The following CACNA1C variants were observed in gnomAD, a reference collection of about 807,000 sequenced individuals.
The protein encoded by CACNA1C is voltage-dependent L-type calcium channel subunit alpha-1C.
Under a neutral mutation model 229.0 loss-of-function variants are expected in CACNA1C, and 30 were observed. The ratio of observed to expected loss-of-function variants is 0.13; its 90% CI spans 0.10 to 0.18. CACNA1C has a LOEUF of 0.18. CACNA1C is among the 10% of genes least tolerant of loss of function. The pLI is 1.00. For missense variants in CACNA1C, 1,658 were observed against 2,845.0 expected (o/e 0.58, Z 9.49); for synonymous variants, 1,114 against 1,132.5 (o/e 0.98, Z 0.33).
chr12:2,611,323 GGGATGAGCT>G (rs1219704749), intron 28 of CACNA1C, among the ~76,000 whole-genome samples: 2 of 146,402 alleles, frequency 1.4e-5, no homozygotes, highest in Non-Finnish European at 3.0e-5. Flanking sequence ...GGAGAACGGA[GGGATGAGCT>G]GGATGTGTTC....
chr12:2,368,803 G>C (rs1229753209), intron 3 of CACNA1C, among the ~76,000 whole-genome samples: 1 of 152,148 alleles, frequency 6.6e-6, no homozygotes, highest in Non-Finnish European at 1.5e-5. Context: ...GTGGAAAGGA[G>C]AGTGCTTAGA....
intron 3 of CACNA1C, among the ~76,000 whole-genome samples, chr12:2,351,750 G>C (rs1001770103): frequency 2.0e-5 from 3 of 152,202 alleles, no homozygotes; most frequent in Non-Finnish European, 2.9e-5. Flanking sequence ...AGGGTCATGA[G>C]AGCGTGTTTC....
rs970916704 is a variant in CACNA1C at position 2,651,440 on chromosome 12, C to G, written c.3946-200C>G. Reference sequence around the variant, plus strand: ...GCCCAGCGGCCTGGGCACAGTCTAGCTCTGCAGAGACCATGGGGCTGGGCT... The same window carrying G: ...GCCCAGCGGCCTGGGCACAGTCTAGGTCTGCAGAGACCATGGGGCTGGGCT... On this transcript the variant is annotated intron_variant, in intron 31 of 46. Coordinates refer to ENST00000399655, the MANE Select transcript of CACNA1C (RefSeq NM_000719.7). This position sits in a 1 kb window ranked among gnomAD's most constrained non-coding sequence, Gnocchi z 5.4. 68 of 674,992 alleles carry G rather than the reference C, an allele frequency of 1.0e-4. No homozygotes were observed. The highest frequency in any genetic ancestry group is 1.5e-4 in the Non-Finnish European group (58 of 389,524). 41.8% of individuals were successfully genotyped at this position (674,992 alleles called of 1,614,324 possible).
At chr12:2,038,950 A>G (rs1484225892) in intron 1 of CACNA1C, among the ~76,000 whole-genome samples, 1 of 152,214 alleles carries the variant, frequency 6.6e-6, no homozygotes, top group Non-Finnish European at 1.5e-5. Flanking sequence ...GATGCTGGGA[A>G]GTGGAAATTG....
At position 2,005,157 on chromosome 12, in the gene CACNA1C, AAAG is replaced by A. The variant is rs1306235628; in HGVS notation, c.139+33963_139+33965del. Among the ~76,000 whole-genome samples, 19 of 150,744 alleles carry A rather than the reference AAAG, an allele frequency of 1.3e-4. No individual in the cohort carries two copies. In the South Asian group the frequency reaches 1.5e-3, roughly 12 times the overall value. The stretch of plus-strand genomic sequence containing the variant: ...TCTCAGTTACAAAAGAAAAAAAAAA[AAAG>A]AAGAAGGTAGAGAGCCAGTGTCACC... On this transcript the variant is annotated intron_variant, in intron 1 of 46. Coordinates refer to the CACNA1C transcript ENST00000682462.
Position 2,689,518 on chromosome 12 carries a change from T to C in CACNA1C, c.6117+739T>C, listed in dbSNP as rs1233862400. Among the ~76,000 whole-genome samples, 1 of 152,038 alleles carries C rather than the reference T, an allele frequency of 6.6e-6. No homozygotes were observed. The highest frequency in any genetic ancestry group is 1.5e-5 in the Non-Finnish European group (1 of 68,004). ...ACCAGCGGACAGATTTCAGCTCACATGGGGAAGACCTTCCCAAATGAGCTC... is the reference window on the plus strand; with the variant it reads ...ACCAGCGGACAGATTTCAGCTCACACGGGGAAGACCTTCCCAAATGAGCTC... On this transcript the variant is annotated intron_variant, in intron 46 of 46. Transcript: ENST00000399655. The surrounding 1 kb of genome is among the most constrained non-coding windows in gnomAD (Gnocchi z 4.2).
At chr12:2,378,779 GTCCTTCCTTCCTTCCT>G (rs146245294) in intron 3 of CACNA1C, among the ~76,000 whole-genome samples, 139 of 144,134 alleles carry the variant, frequency 9.6e-4, no homozygotes, top group Middle Eastern at 3.4e-3. Context: ...GTTTATTTGG[GTCCTTCCTTCCTTCCT>G]TCCTTCCTTC....
chr12:2,631,292 C>A (rs535744546), intron 29 of CACNA1C, among the ~76,000 whole-genome samples: 3 of 152,116 alleles, frequency 2.0e-5, no homozygotes, highest in Non-Finnish European at 4.4e-5. Flanking sequence ...CCTCCCACAC[C>A]GAAATAATGT....
intron 30 of CACNA1C, among the ~76,000 whole-genome samples, chr12:2,635,445 C>T (rs2092410817): frequency 6.6e-6 from 1 of 152,176 alleles, no homozygotes; most frequent in Admixed American, 6.5e-5. Context: ...ACTTTTGATG[C>T]ACTGAACTAT....
chr12:2,650,095 G>C (rs182344344), intron 31 of CACNA1C, among the ~76,000 whole-genome samples: 6 of 152,244 alleles, frequency 3.9e-5, no homozygotes, highest in African/African-American at 9.6e-5. Flanking sequence ...TGAGGGGAAC[G>C]GGAGCCTTAG....
In CACNA1C at chr12:2,575,948, C is replaced by G. The variant is rs968369542; in HGVS notation, c.1896-5642C>G. Among the ~76,000 whole-genome samples the G allele has an allele frequency of 1.3e-5, 2 of 152,114 alleles. No homozygotes were observed. Among genetic ancestry groups the G allele is most frequent in the Non-Finnish European group, 2.9e-5 (2 of 68,032 alleles). ...GAAGAATTCCACAGAGCCCCAAACC[C>G]AGAGACAGACCTAGAGACGGGGAAA... is the stretch of plus-strand genomic sequence containing the variant. On this transcript the variant is annotated intron_variant, in intron 13 of 46. Coordinates refer to ENST00000399655, the MANE Select transcript of CACNA1C (RefSeq NM_000719.7). This position sits in a 1 kb window ranked among gnomAD's most constrained non-coding sequence, Gnocchi z 4.0.
chr12:2,577,879 T>C (rs2059006957), intron 13 of CACNA1C, among the ~76,000 whole-genome samples: 1 of 151,766 alleles, frequency 6.6e-6, no homozygotes, highest in Non-Finnish European at 1.5e-5. Flanking sequence ...TCTTTTTTTT[T>C]TTTTTTTGAG....
chr12:2,005,912 T>C (rs2043323519), intron 1 of CACNA1C, among the ~76,000 whole-genome samples: 1 of 152,210 alleles, frequency 6.6e-6, no homozygotes. Context: ...AAGAAGAATA[T>C]CCACAATTGT....
At chr12:2,019,761 T>A (rs891483661) in intron 1 of CACNA1C, among the ~76,000 whole-genome samples, 6 of 152,216 alleles carry the variant, frequency 3.9e-5, no homozygotes, top group African/African-American at 1.2e-4. Flanking sequence ...TAAGTATTTT[T>A]AAATATGAAA....
At chr12:2,238,174 T>G (rs950959398) in intron 3 of CACNA1C, among the ~76,000 whole-genome samples, 115 of 152,168 alleles carry the variant, frequency 7.6e-4, no homozygotes, top group Middle Eastern at 3.2e-3. Context: ...GAAGAAGCAT[T>G]TTTTGTTCCC....
intron 6 of CACNA1C, among the ~76,000 whole-genome samples, chr12:2,492,539 C>T (rs1458805561): frequency 2.0e-5 from 3 of 152,212 alleles, no homozygotes; most frequent in African/African-American, 2.4e-5. Context: ...GTAAGGAAAA[C>T]GGCTGCAGGT....
At chr12:2,310,412 A>G (rs1451053108) in intron 3 of CACNA1C, among the ~76,000 whole-genome samples, 2 of 151,808 alleles carry the variant, frequency 1.3e-5, no homozygotes, top group Non-Finnish European at 2.9e-5. Context: ...TCACCAACAT[A>G]TCTAATTTGG....
chr12:2,208,044 C>G (rs763051472), intron 3 of CACNA1C, among the ~76,000 whole-genome samples: 1 of 152,126 alleles, frequency 6.6e-6, no homozygotes, highest in African/African-American at 2.4e-5. Context: ...AATTAGTGGA[C>G]CTTTGAGGAC....
chr12:2,608,780 C>G lies in CACNA1C; in HGVS notation c.3558+68C>G, dbSNP rs544678739. 1 of 1,505,126 alleles carries G rather than the reference C, an allele frequency of 6.6e-7. No individual in the cohort carries two copies. The highest frequency in any genetic ancestry group is 9.2e-7 in the Non-Finnish European group (1 of 1,092,618). The allele number at this position is 1,505,126 out of a possible 1,614,324, so 93.2% of individuals were successfully genotyped here. On this transcript the variant is annotated intron_variant, in intron 27 of 46. Transcript: ENST00000399655. The surrounding 1 kb of genome is among the most constrained non-coding windows in gnomAD (Gnocchi z 4.2). The stretch of plus-strand genomic sequence containing the variant: ...GGGAATGGCAGCCTGCGGCCCACCC[C>G]GCAGAGGGGCTGCGACAGGGAGAGG...
Sources: allele counts gnomAD v4.1 joint callset (sites outside exome capture counted in the v4.1 genomes callset), GRCh38; gene constraint gnomAD v4.1.1; non-coding constraint Gnocchi (gnomAD v3.1); transcripts MANE v1.5; gene names NCBI Gene and HGNC (gene_info 2026-07-23, HGNC 2026-07-21).